Variants in SLC9A9 observed in about 807,000 individuals in gnomAD.
The protein encoded by SLC9A9 is solute carrier family 9 member A9, also known as sodium/hydrogen exchanger 9.
Under a neutral mutation model 77.8 loss-of-function variants are expected in SLC9A9, and 62 were observed. That is an observed-to-expected ratio of 0.80 (90% CI 0.65 to 0.98). SLC9A9 has a LOEUF of 0.98. SLC9A9 is among the 50% of genes least tolerant of loss of function. The probability of loss-of-function intolerance (pLI) is 0.00; values close to 1 mark genes in which losing one functional copy is unlikely to be tolerated. For synonymous variants in SLC9A9, 320 were observed against 283.5 expected (o/e 1.13, Z -1.29); for missense variants, 775 against 774.9 (o/e 1.00, Z 0.00).
Position 143,265,747 on chromosome 3 carries a change from G to T in SLC9A9, c.*955C>A, listed in dbSNP as rs776689001. ...CCTCAGTGTAACCCACACATCATTG[G>T]CTCTGTTCCTCTCGCCCTGCTCCTG... On this transcript the variant is annotated 3_prime_UTR_variant, in exon 16 of 16. Coordinates refer to ENST00000316549, the MANE Select transcript of SLC9A9 (RefSeq NM_173653.4). 1.2e-5 allele frequency: 6 copies of T among 481,166 alleles called. No individual in the cohort carries two copies. The highest frequency in any genetic ancestry group is 2.2e-5 in the Non-Finnish European group (6 of 275,358). The allele number at this position is 481,166 out of a possible 1,614,324, so 29.8% of individuals were successfully genotyped here. A position where few individuals can be genotyped will look rare whatever the true frequency, so the allele number is the denominator to read the frequency against.
chr3:143,281,028 T>C (rs1938201616), intron 14 of SLC9A9, among the ~76,000 whole-genome samples: 1 of 152,234 alleles, frequency 6.6e-6, no homozygotes, highest in Non-Finnish European at 1.5e-5. Context: ...TCCAGCTCTC[T>C]TCTTTCAGGT....
intron 9 of SLC9A9, among the ~76,000 whole-genome samples, chr3:143,509,700 A>G (rs2036082826): frequency 6.6e-6 from 1 of 152,144 alleles, no homozygotes; most frequent in Non-Finnish European, 1.5e-5. Flanking sequence ...AGGTCCTTCA[A>G]AGTTACCCTA....
chr3:143,695,599 G>A (rs539856935), intron 4 of SLC9A9, among the ~76,000 whole-genome samples: 2 of 152,262 alleles, frequency 1.3e-5, no homozygotes, highest in South Asian at 4.2e-4. Context: ...GGGCATTTGG[G>A]TTGGTTCCAA....
intron 4 of SLC9A9, among the ~76,000 whole-genome samples, chr3:143,785,046 T>A (rs547028232): frequency 1.3e-5 from 2 of 152,228 alleles, no homozygotes; most frequent in East Asian, 3.9e-4. Context: ...GAAATAAATA[T>A]CTATTGTTTA....
At chr3:143,650,655 C>A (rs2038780654) in intron 6 of SLC9A9, among the ~76,000 whole-genome samples, 1 of 152,172 alleles carries the variant, frequency 6.6e-6, no homozygotes, top group African/African-American at 2.4e-5. Flanking sequence ...CTGTACGATA[C>A]CAGAATTGCC....
chr3:143,835,404 C>T (rs2009543888), intron 1 of SLC9A9, among the ~76,000 whole-genome samples: 1 of 152,202 alleles, frequency 6.6e-6, no homozygotes, highest in African/African-American at 2.4e-5. Flanking sequence ...GTTAAAAAAC[C>T]CATGCACTCA....
At chr3:143,712,162 T>A (rs1934214580) in intron 4 of SLC9A9, among the ~76,000 whole-genome samples, 2 of 152,192 alleles carry the variant, frequency 1.3e-5, no homozygotes, top group Non-Finnish European at 2.9e-5. Context: ...AACTTGGCCT[T>A]TATTTACAGA....
intron 12 of SLC9A9, among the ~76,000 whole-genome samples, chr3:143,430,504 C>T (rs961590006): frequency 9.2e-5 from 14 of 152,250 alleles, no homozygotes; most frequent in African/African-American, 2.9e-4. Context: ...GCAGGAAAGG[C>T]GGGACTTGGA....
At chr3:143,559,575 G>A (rs1187203107) in intron 8 of SLC9A9, among the ~76,000 whole-genome samples, 1 of 151,132 alleles carries the variant, frequency 6.6e-6, no homozygotes, top group South Asian at 2.1e-4. Flanking sequence ...TTTTTTTAAG[G>A]TCAAAGAAAT....
At chr3:143,747,888 A>C (rs1935232596) in intron 4 of SLC9A9, among the ~76,000 whole-genome samples, 1 of 152,220 alleles carries the variant, frequency 6.6e-6, no homozygotes, top group South Asian at 2.1e-4. Flanking sequence ...AACTTTGTCC[A>C]GTGGTCCTTT....
intron 1 of SLC9A9, among the ~76,000 whole-genome samples, chr3:143,833,078 G>A (rs1376637764): frequency 6.6e-6 from 1 of 152,118 alleles, no homozygotes; most frequent in African/African-American, 2.4e-5. Flanking sequence ...TCTGATAACT[G>A]TGGGCTTTTT....
intron 6 of SLC9A9, among the ~76,000 whole-genome samples, chr3:143,633,464 C>G (rs554101807): frequency 2.5e-4 from 38 of 152,106 alleles, no homozygotes; most frequent in African/African-American, 9.2e-4. Flanking sequence ...GAGGTTTTTT[C>G]AGGCCATAAA....
intron 12 of SLC9A9, among the ~76,000 whole-genome samples, chr3:143,454,801 C>G (rs1464462393): frequency 6.6e-6 from 1 of 152,192 alleles, no homozygotes; most frequent in Non-Finnish European, 1.5e-5. Context: ...GCTCCCTTTT[C>G]CTTTCTGGCT....
intron 6 of SLC9A9, among the ~76,000 whole-genome samples, chr3:143,584,451 C>T (rs938600722): frequency 3.9e-5 from 6 of 152,160 alleles, no homozygotes; most frequent in African/African-American, 9.7e-5. Context: ...AAATCAATGT[C>T]GCTTGAAAGC....
At chr3:143,623,578 C>T (rs2038260840) in intron 6 of SLC9A9, among the ~76,000 whole-genome samples, 1 of 151,970 alleles carries the variant, frequency 6.6e-6, no homozygotes, top group African/African-American at 2.4e-5. Context: ...AGAACAAAGA[C>T]ACAACATACC....
chr3:143,482,183 T>C (rs574206684), intron 11 of SLC9A9, among the ~76,000 whole-genome samples: 143 of 152,212 alleles, frequency 9.4e-4, no homozygotes, highest in African/African-American at 3.2e-3. Context: ...AAAATACATG[T>C]TCATGAAAAA....
At chr3:143,555,819 A>G (rs1312240660) in intron 8 of SLC9A9, among the ~76,000 whole-genome samples, 1 of 152,220 alleles carries the variant, frequency 6.6e-6, no homozygotes, top group Non-Finnish European at 1.5e-5. Context: ...GTTGCTAAAT[A>G]TCTTTTGAGT....
chr3:143,748,859 G>A (rs889626841), intron 4 of SLC9A9, among the ~76,000 whole-genome samples: 28 of 151,340 alleles, frequency 1.9e-4, no homozygotes, highest in African/African-American at 6.5e-4. Flanking sequence ...GCCCGCCACC[G>A]CGCCCGGCTA....
intron 8 of SLC9A9, among the ~76,000 whole-genome samples, chr3:143,568,040 CA>C (rs2037197551): frequency 6.6e-6 from 1 of 152,032 alleles, no homozygotes; most frequent in South Asian, 2.1e-4. Context: ...TCTTTGTTTG[CA>C]AGTAATAAAA....
Sources: gnomAD v4.1 joint callset for allele counts (sites outside exome capture counted in the v4.1 genomes callset) on GRCh38, gnomAD v4.1.1 for gene constraint, MANE v1.5 for transcripts, NCBI Gene and HGNC (gene_info 2026-07-23, HGNC 2026-07-21) for gene names.